The following L3HYPDH variants were observed in gnomAD, a reference collection of about 807,000 sequenced individuals.
L3HYPDH encodes the protein trans-L-3-hydroxyproline dehydratase, also known as trans-3-hydroxy-L-proline dehydratase.
Under a neutral mutation model 26.5 loss-of-function variants are expected in L3HYPDH, and 32 were observed. The observed-to-expected ratio is 1.21, with a 90% CI of 0.91 to 1.62. The LOEUF is 1.62. L3HYPDH is among the 40% of genes most tolerant of loss of function. The pLI is 0.00. For synonymous variants in L3HYPDH, 215 were observed against 196.6 expected (o/e 1.09, Z -0.78); for missense variants, 554 against 476.4 (o/e 1.16, Z -1.52).
chr14:59,483,126 G>GTT (rs1329594414), intron 1 of L3HYPDH, among the ~76,000 whole-genome samples: 1 of 152,160 alleles, frequency 6.6e-6, no homozygotes, highest in Non-Finnish European at 1.5e-5. Context: ...CAGGAATACA[G>GTT]TATCTTGCAT....
At chr14:59,472,083 AAAGAC>A, downstream of L3HYPDH, among the ~76,000 whole-genome samples, 1 of 152,338 alleles carries the variant, frequency 6.6e-6, no homozygotes, top group Non-Finnish European at 1.5e-5. Flanking sequence ...CTATCTCACA[AAAGAC>A]TCTACTGAAT....
intron 1 of L3HYPDH, among the ~76,000 whole-genome samples, chr14:59,481,218 C>T (rs1321354538): frequency 1.3e-5 from 2 of 152,218 alleles, no homozygotes; most frequent in Non-Finnish European, 2.9e-5. Flanking sequence ...CACCAATTAT[C>T]TGTGACTATT....
In L3HYPDH at chr14:59,479,341, C is replaced by A; in HGVS notation, c.519G>T (p.Val173=). Residue 173 remains valine (V), a synonymous_variant, in exon 2 of 5, where the codon GTG becomes GTT. Coordinates refer to ENST00000247194, the MANE Select transcript of L3HYPDH (RefSeq NM_144581.2). ...PAFVLATDLM[V]DVPGHGKVMV... is the part of the protein sequence containing the mutation. ...TCACCTTTCCATGTCCAGGAACATC[C>A]ACCATGAGATCTAAAAAAAAGATGT... 1.2e-6 allele frequency: 2 copies of A among 1,610,338 alleles called. 1 individual carries two copies. Among genetic ancestry groups the A allele is most frequent in the South Asian group, 2.2e-5 (2 of 90,006 alleles).
chr14:59,501,120 T>G, the L3HYPDH span: 1 of 954,664 alleles, frequency 1.0e-6, no homozygotes, highest in Non-Finnish European at 1.6e-6. Context: ...AAATTACTAT[T>G]TGAATTTATT....
the L3HYPDH span, chr14:59,494,947 T>G: frequency 2.9e-6 from 3 of 1,037,296 alleles, no homozygotes; most frequent in Non-Finnish European, 1.5e-6. Flanking sequence ...TCTTGACACA[T>G]GTACATGTTT....
rs748412644 is a variant in L3HYPDH at position 59,483,922 on chromosome 14, C to A, written c.395G>T (p.Arg132Leu). The change falls in exon 1 of 5, where the codon CGC (arginine) becomes CTC (leucine). Residue 132 changes from arginine to leucine, a missense_variant. Coordinates refer to ENST00000247194, the MANE Select transcript of L3HYPDH (RefSeq NM_144581.2). ...PAPPAGTREA[R>L]VNIHCPCGLV... The stretch of plus-strand genomic sequence containing the variant: ...CCCGCAGGGGCAGTGGATATTGACG[C>A]GGGCCTCGCGGGTGCCCGCAGGGGG... The A allele has an allele frequency of 6.4e-7, 1 of 1,553,718 alleles. No individual in the cohort carries two copies. The highest frequency in any genetic ancestry group is 8.7e-7 in the Non-Finnish European group (1 of 1,155,308).
At chr14:59,481,787 G>C (rs1890043339) in intron 1 of L3HYPDH, among the ~76,000 whole-genome samples, 1 of 152,188 alleles carries the variant, frequency 6.6e-6, no homozygotes, top group South Asian at 2.1e-4. Flanking sequence ...GGATGAGAGG[G>C]AAGCAATATG....
chr14:59,496,996 A>G, the L3HYPDH span, among the ~76,000 whole-genome samples: 6 of 138,220 alleles, frequency 4.3e-5, no homozygotes, highest in East Asian at 1.2e-3. Flanking sequence ...AGTCATAGTA[A>G]TTTTTTTTTT....
At chr14:59,491,934 C>G in the L3HYPDH span, among the ~76,000 whole-genome samples, 2 of 152,172 alleles carry the variant, frequency 1.3e-5, no homozygotes, top group African/African-American at 2.4e-5. Context: ...AGTAGCAGAG[C>G]CTCTTTGCTG....
upstream of L3HYPDH, among the ~76,000 whole-genome samples, chr14:59,489,195 A>AATTTT (rs1890803811): frequency 1.7e-5 from 1 of 58,318 alleles, no homozygotes; most frequent in Admixed American, 1.9e-4. Flanking sequence ...CTTTTTAAGT[A>AATTTT]TAAGTCCCAA....
the L3HYPDH span, among the ~76,000 whole-genome samples, chr14:59,497,736 C>CTTGTTTTG: frequency 6.6e-6 from 1 of 152,070 alleles, no homozygotes; most frequent in African/African-American, 2.4e-5. Context: ...AAAAAATTAT[C>CTTGTTTTG]ACCCAAGAGA....
chr14:59,491,064 A>G, the L3HYPDH span, among the ~76,000 whole-genome samples: 1 of 152,244 alleles, frequency 6.6e-6, no homozygotes, highest in South Asian at 2.1e-4. Flanking sequence ...CACAAGGGCC[A>G]TCTCTTACAG....
At chr14:59,501,241 G>A in the L3HYPDH span, 1 of 1,604,160 alleles carries the variant, frequency 6.2e-7, no homozygotes, top group Non-Finnish European at 8.5e-7. Flanking sequence ...TACTCTGGCT[G>A]TGTACATGTC....
the L3HYPDH span, among the ~76,000 whole-genome samples, chr14:59,499,143 C>T: frequency 2.0e-5 from 3 of 149,072 alleles, no homozygotes; most frequent in Non-Finnish European, 3.0e-5. Context: ...CCTGCCTCAG[C>T]CTCCCAAGTA....
downstream of L3HYPDH, among the ~76,000 whole-genome samples, chr14:59,469,582 AAAAAAG>A (rs1321488822): frequency 1.4e-5 from 2 of 146,402 alleles, no homozygotes; most frequent in Non-Finnish European, 3.0e-5. Context: ...AAAAAAAAAA[AAAAAAG>A]GTTGGGGGGT....
chr14:59,494,204 AAAAT>A, the L3HYPDH span, among the ~76,000 whole-genome samples: 852 of 152,226 alleles, frequency 5.6e-3, 5 homozygotes, highest in African/African-American at 0.019. Context: ...AGTAGAAAAA[AAAAT>A]AAAAGCCTGG....
chr14:59,494,925 T>C, the L3HYPDH span: 3 of 892,454 alleles, frequency 3.4e-6, no homozygotes, highest in Admixed American at 2.3e-5. Flanking sequence ...CTTATAGATT[T>C]AGAAATCTGT....
Position 59,484,086 on chromosome 14 carries a change from C to A in L3HYPDH, c.231G>T (p.Gly77=). The change falls in exon 1 of 5, where the codon GGG becomes GGT. Residue 77 remains glycine, a synonymous_variant. Transcript: ENST00000247194. ...GCAGCTCGCTCGGGACTAGGACCGCCCCGTACATGTCCCGGTGCCCTCGGG... is the reference window on the plus strand; with the variant it reads ...GCAGCTCGCTCGGGACTAGGACCGCACCGTACATGTCCCGGTGCCCTCGGG... ...FEPRGHRDMY[G]AVLVPSELPD... 6.2e-7 allele frequency: 1 copy of A among 1,606,800 alleles called. No homozygotes were observed. The highest frequency in any genetic ancestry group is 8.5e-7 in the Non-Finnish European group (1 of 1,179,554).
At chr14:59,466,915 A>C (rs1889200157) in intron 1 of L3HYPDH, among the ~76,000 whole-genome samples, 1 of 152,176 alleles carries the variant, frequency 6.6e-6, no homozygotes, top group Admixed American at 6.5e-5. Flanking sequence ...AGATATTGCC[A>C]AATATCCTCT....
Sources: allele counts gnomAD v4.1 joint callset (sites outside exome capture counted in the v4.1 genomes callset), GRCh38; gene constraint gnomAD v4.1.1; transcripts MANE v1.5; gene names NCBI Gene and HGNC (gene_info 2026-07-23, HGNC 2026-07-21).